UBE3D: variants seen among roughly 807,000 people sequenced by gnomAD.
UBE3D encodes E3 ubiquitin-protein ligase E3D.
Under a neutral mutation model 49.6 loss-of-function variants are expected in UBE3D, and 48 were observed. The ratio of observed to expected loss-of-function variants is 0.97; its 90% CI spans 0.77 to 1.23. UBE3D has a LOEUF of 1.23. Among genes scored for constraint, UBE3D ranks in the 50% most tolerant of loss-of-function variants. UBE3D has a pLI of 0.00. For synonymous variants in UBE3D, 189 were observed against 174.2 expected, an observed-to-expected ratio of 1.08 and a Z score of -0.67; for missense variants, 452 against 468.4, an observed-to-expected ratio of 0.96 and a Z score of 0.32.
At chr6:83,025,699 A>G (rs1343795613) in intron 5 of UBE3D, among the ~76,000 whole-genome samples, 2 of 151,998 alleles carry the variant, frequency 1.3e-5, no homozygotes, top group Non-Finnish European at 2.9e-5. Flanking sequence ...CCTGGCCAAC[A>G]TGGTGAAACC....
chr6:83,019,276 G>A, intron 7 of UBE3D, 140 bp from the exon 8 acceptor site: 1 of 744,812 alleles, frequency 1.3e-6, no homozygotes, highest in South Asian at 3.3e-5. Context: ...TTTAAAGTTG[G>A]GTAGGCCTTT....
In UBE3D at chr6:83,023,992, C is replaced by T; in HGVS notation, c.714G>A (p.Glu238=). 6.5e-7 allele frequency: 1 copy of T among 1,535,684 alleles called. No homozygotes were observed. Among genetic ancestry groups the T allele is most frequent in the Non-Finnish European group, 8.7e-7 (1 of 1,149,142 alleles). Residue 238 remains glutamate, a synonymous_variant, in exon 6 of 10, where the codon GAG becomes GAA. Transcript: ENST00000369747. Reference sequence around the variant, plus strand: ...ACCTTGGTATGATAGGAAAACTCCTCTCAGATGACTGAATAATTATCTCTG... The same window carrying T: ...ACCTTGGTATGATAGGAAAACTCCTTTCAGATGACTGAATAATTATCTCTG... ...YMTEIIIQSS[E]RSFPIIPRSW... is the part of the protein sequence containing the mutation.
chr6:83,059,890 G>A (rs907847518), intron 1 of UBE3D, among the ~76,000 whole-genome samples: 2 of 152,210 alleles, frequency 1.3e-5, no homozygotes, highest in Admixed American at 6.5e-5. Flanking sequence ...CAAGACAGGT[G>A]AGGAGGAAAT....
At chr6:82,969,385 T>C (rs771060403) in intron 8 of UBE3D, among the ~76,000 whole-genome samples, 25 of 152,096 alleles carry the variant, frequency 1.6e-4, no homozygotes, top group Non-Finnish European at 3.5e-4. Context: ...GGTGGGTGGA[T>C]TGCTTCAGCT....
intron 5 of UBE3D, among the ~76,000 whole-genome samples, chr6:83,028,107 ATTGT>A (rs1251813130): frequency 1.3e-5 from 2 of 152,096 alleles, no homozygotes; most frequent in African/African-American, 4.8e-5. Context: ...GTATAAATTT[ATTGT>A]TTAATTTATA....
At chr6:83,052,136 A>G (rs945261631) in intron 3 of UBE3D, among the ~76,000 whole-genome samples, 2 of 152,190 alleles carry the variant, frequency 1.3e-5, no homozygotes, top group African/African-American at 4.8e-5. Context: ...CCTAGCAACC[A>G]TATGAGGTAG....
At chr6:82,926,531 T>C (rs1466082991) in intron 9 of UBE3D, among the ~76,000 whole-genome samples, 2 of 152,174 alleles carry the variant, frequency 1.3e-5, no homozygotes, top group African/African-American at 4.8e-5. Context: ...TTTTCTAAAG[T>C]GGCTGTATCA....
intron 9 of UBE3D, among the ~76,000 whole-genome samples, chr6:82,898,734 G>A (rs1025197501): frequency 2.0e-5 from 3 of 152,020 alleles, no homozygotes; most frequent in Admixed American, 2.0e-4. Flanking sequence ...GTAGGTGAAG[G>A]GTTGATGGGT....
At chr6:82,965,954 A>C (rs1161428893) in intron 8 of UBE3D, among the ~76,000 whole-genome samples, 1 of 152,224 alleles carries the variant, frequency 6.6e-6, no homozygotes, top group Non-Finnish European at 1.5e-5. Flanking sequence ...ATGTATCTTT[A>C]AAGATAGATT....
downstream of UBE3D, among the ~76,000 whole-genome samples, chr6:82,891,871 C>G (rs1770986585): frequency 6.6e-6 from 1 of 152,062 alleles, no homozygotes; most frequent in African/African-American, 2.4e-5. Flanking sequence ...ACTAAAAATA[C>G]AAAAAATTAG....
intron 1 of UBE3D, 36 bp from the exon 2 acceptor site, chr6:83,058,058 C>T (rs549184045): frequency 1.2e-6 from 2 of 1,603,884 alleles, no homozygotes; most frequent in African/African-American, 1.3e-5. Context: ...CAAATTATTT[C>T]TCACAATGAA....
intron 5 of UBE3D, among the ~76,000 whole-genome samples, chr6:83,027,372 G>T (rs1179412908): frequency 7.5e-6 from 1 of 132,732 alleles, no homozygotes; most frequent in African/African-American, 2.8e-5. Context: ...GGAGGCGGAG[G>T]TTGCAGTGAG....
chr6:83,063,128 C>T (rs1044280217), intron 1 of UBE3D: 17 of 247,924 alleles, frequency 6.9e-5, no homozygotes, highest in African/African-American at 1.7e-4. Flanking sequence ...ATCAAAAAAA[C>T]GAGGCAGGGC....
intron 9 of UBE3D, among the ~76,000 whole-genome samples, chr6:82,924,278 G>C (rs1002029069): frequency 6.6e-6 from 1 of 152,050 alleles, no homozygotes; most frequent in Admixed American, 6.6e-5. Flanking sequence ...GATAAGAAAA[G>C]TTACTTGGAT....
intron 3 of UBE3D, among the ~76,000 whole-genome samples, chr6:83,048,026 G>A (rs1298176828): frequency 7.5e-6 from 1 of 133,852 alleles, no homozygotes; most frequent in African/African-American, 2.8e-5. Context: ...AGCTTGCAGT[G>A]AGCCGAGATC....
intron 8 of UBE3D, among the ~76,000 whole-genome samples, chr6:82,970,020 T>C (rs538413224): frequency 6.7e-6 from 1 of 150,158 alleles, no homozygotes; most frequent in East Asian, 1.9e-4. Flanking sequence ...TAATGAAATG[T>C]AACGTATTTC....
chr6:83,001,005 T>C (rs940023672), intron 8 of UBE3D, among the ~76,000 whole-genome samples: 3 of 152,164 alleles, frequency 2.0e-5, no homozygotes, highest in Non-Finnish European at 4.4e-5. Context: ...CCACCACACC[T>C]GGCTAATCTT....
At chr6:82,911,783 C>T (rs995558182) in intron 9 of UBE3D, among the ~76,000 whole-genome samples, 15 of 152,118 alleles carry the variant, frequency 9.9e-5, no homozygotes, top group Non-Finnish European at 2.1e-4. Context: ...GGGATCACAA[C>T]ATTTACACTG....
chr6:83,045,819 T>C (rs1289550046), intron 3 of UBE3D, among the ~76,000 whole-genome samples: 2 of 152,196 alleles, frequency 1.3e-5, no homozygotes, highest in East Asian at 1.9e-4. Flanking sequence ...TAATATCCTT[T>C]TTTTCTGTTC....
Sources: allele counts gnomAD v4.1 joint callset (sites outside exome capture counted in the v4.1 genomes callset), GRCh38; gene constraint gnomAD v4.1.1; transcripts MANE v1.5; gene names NCBI Gene and HGNC (gene_info 2026-07-23, HGNC 2026-07-21).